Variants in SCLT1 observed in about 807,000 individuals in gnomAD.
SCLT1 encodes sodium channel-associated protein 1.
A neutral mutation model predicts 112.8 loss-of-function variants in SCLT1; 78 were observed. The observed-to-expected ratio is 0.69, with a 90% CI of 0.58 to 0.83. The LOEUF is 0.83. Among genes scored for constraint, SCLT1 ranks in the 40% least tolerant of loss-of-function variants. The probability of loss-of-function intolerance (pLI) is 0.00; values close to 1 mark genes in which losing one functional copy is unlikely to be tolerated. For synonymous variants in SCLT1, 257 were observed against 254.7 expected (o/e 1.01, Z -0.09); for missense variants, 747 against 770.4 (o/e 0.97, Z 0.36).
At chr4:128,883,094 C>T (rs988901821), downstream of SCLT1, among the ~76,000 whole-genome samples, 2 of 146,070 alleles carry the variant, frequency 1.4e-5, no homozygotes, top group Non-Finnish European at 3.0e-5. Flanking sequence ...TGCAGTGAGC[C>T]GAGATCATGC....
At chr4:129,070,271 AGAAT>A (rs769985225) in intron 2 of SCLT1, among the ~76,000 whole-genome samples, 20 of 152,176 alleles carry the variant, frequency 1.3e-4, no homozygotes, top group Non-Finnish European at 2.4e-4. Context: ...CTGGCTTCAC[AGAAT>A]GAATTAGGGA....
intron 9 of SCLT1, among the ~76,000 whole-genome samples, chr4:128,986,161 G>A (rs550675281): frequency 6.6e-6 from 1 of 152,148 alleles, no homozygotes; most frequent in Non-Finnish European, 1.5e-5. Flanking sequence ...GATAATTTGT[G>A]TGCTAGGGGG....
At chr4:128,947,256 C>A (rs1036574824) in intron 15 of SCLT1, among the ~76,000 whole-genome samples, 2 of 152,144 alleles carry the variant, frequency 1.3e-5, no homozygotes, top group East Asian at 1.9e-4. Context: ...TTTCCTTAAC[C>A]TTTGCCATGT....
intron 5 of SCLT1, among the ~76,000 whole-genome samples, chr4:129,031,832 G>A (rs1234100685): frequency 6.6e-6 from 1 of 152,128 alleles, no homozygotes; most frequent in Non-Finnish European, 1.5e-5. Context: ...AACATTCCAT[G>A]CTCATGGATA....
intron 18 of SCLT1, among the ~76,000 whole-genome samples, chr4:128,933,317 G>A (rs923474888): frequency 6.6e-6 from 1 of 151,772 alleles, no homozygotes; most frequent in African/African-American, 2.4e-5. Flanking sequence ...ATCTTCCAAA[G>A]GTGACCAAAG....
chr4:129,068,647 G>A (rs1561046040), intron 2 of SCLT1, among the ~76,000 whole-genome samples: 1 of 152,098 alleles, frequency 6.6e-6, no homozygotes, highest in East Asian at 1.9e-4. Flanking sequence ...CCATTTGTTT[G>A]AGTTTGTTGT....
At chr4:129,073,875 T>C (rs1392683272) in intron 2 of SCLT1, among the ~76,000 whole-genome samples, 1 of 152,158 alleles carries the variant, frequency 6.6e-6, no homozygotes, top group Non-Finnish European at 1.5e-5. Flanking sequence ...AACTGAAATA[T>C]ATTTTATTCC....
At chr4:128,933,886 G>A (rs1218477786) in intron 18 of SCLT1, among the ~76,000 whole-genome samples, 7 of 151,840 alleles carry the variant, frequency 4.6e-5, no homozygotes, top group African/African-American at 1.7e-4. Context: ...CTAACAATAT[G>A]ACTACTAGAA....
chr4:128,920,346 T>C (rs965379968), intron 18 of SCLT1, among the ~76,000 whole-genome samples: 7 of 152,166 alleles, frequency 4.6e-5, no homozygotes, highest in South Asian at 4.1e-4. Flanking sequence ...GGCTGGAGTG[T>C]AGTGGCACAA....
chr4:128,928,754 C>T (rs985785139), intron 18 of SCLT1, among the ~76,000 whole-genome samples: 1 of 151,890 alleles, frequency 6.6e-6, no homozygotes, highest in African/African-American at 2.4e-5. Context: ...ATCACTTGAA[C>T]CCAGGTGGCA....
chr4:128,898,158 C>T (rs1579313651), intron 18 of SCLT1, among the ~76,000 whole-genome samples: 1 of 151,816 alleles, frequency 6.6e-6, no homozygotes, highest in Non-Finnish European at 1.5e-5. Flanking sequence ...GAACTCAGCT[C>T]CATACCAAGC....
At chr4:128,880,935 C>T (rs1012562129), downstream of SCLT1, among the ~76,000 whole-genome samples, 1 of 152,160 alleles carries the variant, frequency 6.6e-6, no homozygotes, top group Non-Finnish European at 1.5e-5. Flanking sequence ...AAGTATCACA[C>T]ATGGGGGGCA....
intron 5 of SCLT1, among the ~76,000 whole-genome samples, chr4:129,023,805 T>C (rs963665652): frequency 6.6e-6 from 1 of 152,132 alleles, no homozygotes; most frequent in South Asian, 2.1e-4. Context: ...GGTGACAGAC[T>C]GCACCTGGAA....
chr4:129,007,435 A>G (rs1008784330), intron 5 of SCLT1, among the ~76,000 whole-genome samples: 1 of 152,162 alleles, frequency 6.6e-6, no homozygotes, highest in Non-Finnish European at 1.5e-5. Flanking sequence ...GTGCTTACAC[A>G]TTCAGAACTG....
chr4:128,874,580 C>T (rs1732434626), intron 4 of SCLT1: 1 of 152,398 alleles, frequency 6.6e-6, no homozygotes, highest in Non-Finnish European at 1.5e-5. Flanking sequence ...CTTCGAAATG[C>T]AAATGGATAG....
chr4:128,920,925 C>A (rs1735833565), intron 18 of SCLT1, among the ~76,000 whole-genome samples: 1 of 152,150 alleles, frequency 6.6e-6, no homozygotes, highest in African/African-American at 2.4e-5. Flanking sequence ...TTAGTCTCTG[C>A]CCACAAGCTC....
intron 18 of SCLT1, among the ~76,000 whole-genome samples, chr4:128,912,728 C>T (rs1436342767): frequency 6.6e-6 from 1 of 151,988 alleles, no homozygotes; most frequent in Non-Finnish European, 1.5e-5. Flanking sequence ...CCTCTTCGCC[C>T]TCCTCCTCCT....
chr4:128,976,157 C>G (rs542104447), intron 9 of SCLT1, among the ~76,000 whole-genome samples: 6 of 152,174 alleles, frequency 3.9e-5, no homozygotes, highest in African/African-American at 1.4e-4. Flanking sequence ...CGAAAGTGAG[C>G]TTTTTGCAAC....
intron 5 of SCLT1, among the ~76,000 whole-genome samples, chr4:129,033,590 G>A (rs1445915097): frequency 6.6e-6 from 1 of 151,116 alleles, no homozygotes; most frequent in African/African-American, 2.4e-5. Flanking sequence ...AAATGAAAGA[G>A]GGGAGGGGTT....
Sources: gnomAD v4.1 joint callset for allele counts (sites outside exome capture counted in the v4.1 genomes callset) on GRCh38, gnomAD v4.1.1 for gene constraint, MANE v1.5 for transcripts, NCBI Gene and HGNC (gene_info 2026-07-23, HGNC 2026-07-21) for gene names.